The following RPL13A variants were observed in gnomAD, a reference collection of about 807,000 sequenced individuals.
The protein encoded by RPL13A is ribosomal protein L13a, also known as large ribosomal subunit protein uL13.
RPL13A carries 4 observed loss-of-function variants against 30.8 expected under a neutral mutation model. That is an observed-to-expected ratio of 0.13 (90% CI 0.06 to 0.30). The LOEUF (loss-of-function observed/expected upper bound fraction) is 0.30. Among genes scored for constraint, RPL13A ranks in the 10% least tolerant of loss-of-function variants. RPL13A has a pLI of 1.00. For missense variants in RPL13A, 196 were observed against 272.6 expected (o/e 0.72, Z 1.98); for synonymous variants, 108 against 104.2 (o/e 1.04, Z -0.22).
Position 49,491,828 on chromosome 19 carries a change from C to G in RPL13A, c.*13C>G, listed in dbSNP as rs1291627398. On this transcript the variant is annotated 3_prime_UTR_variant, in exon 8 of 8. Coordinates refer to ENST00000391857, the MANE Select transcript of RPL13A (RefSeq NM_012423.4). ...ACTCCTGGTCTGAGCCCAATAAAGA[C>G]TGTTAATTCCTCATGCGTTGCCTGC... 1.3e-6 allele frequency: 2 copies of G among 1,582,282 alleles called. No individual in the cohort carries two copies. The highest frequency in any genetic ancestry group is 1.7e-6 in the Non-Finnish European group (2 of 1,159,148).
chr19:49,491,357 C>A (rs986099535), intron 6 of RPL13A, 68 bp from the exon 7 acceptor site: 108 of 1,388,362 alleles, frequency 7.8e-5, no homozygotes, highest in Non-Finnish European at 1.0e-4. Flanking sequence ...AGCTCCGGCT[C>A]TTCAGGGTGT....
intron 1 of RPL13A, among the ~76,000 whole-genome samples, chr19:49,488,043 T>C (rs1291990682): frequency 6.6e-6 from 1 of 152,120 alleles, no homozygotes; most frequent in Non-Finnish European, 1.5e-5. Context: ...AACTGAGTTT[T>C]GGCCAAAATG....
Position 49,492,163 on chromosome 19 carries a change from T to C in RPL13A, c.*348T>C, listed in dbSNP as rs537341906. ...TGCAGCTGTTAGAATGTGCAAGCAC[T>C]TGGGGACAGCATGAGCTTGCTGTTG... On this transcript the variant is annotated 3_prime_UTR_variant, in exon 8 of 8. Transcript: ENST00000391857. 2.0e-4 allele frequency: 50 copies of C among 247,110 alleles called. No homozygotes were observed. Among genetic ancestry groups the C allele is most frequent in the African/African-American group, 8.9e-4 (40 of 44,760 alleles). The allele number at this position is 247,110 out of a possible 1,614,324, so 15.3% of individuals were successfully genotyped here.
chr19:49,491,526 C>T lies in RPL13A; in HGVS notation c.504C>T (p.Tyr168=). ...GGAAAGAGAAAGCCAAGATCCACTA[C>T]CGGAAGAAGAAACAGCTCATGGTGA... ...EKRKEKAKIH[Y]RKKKQLMRLR... Residue 168 remains tyrosine (Y), a synonymous_variant, in exon 7 of 8, where the codon TAC becomes TAT. Coordinates refer to ENST00000391857, the MANE Select transcript of RPL13A (RefSeq NM_012423.4). The T allele has an allele frequency of 3.9e-6, 6 of 1,532,420 alleles. No homozygotes were observed. The highest frequency in any genetic ancestry group is 5.3e-6 in the Non-Finnish European group (6 of 1,142,624). 94.9% of individuals were successfully genotyped at this position (1,532,420 alleles called of 1,614,324 possible).
chr19:49,491,864 T>C lies in RPL13A; in HGVS notation c.*49T>C, dbSNP rs767898504. On this transcript the variant is annotated 3_prime_UTR_variant, in exon 8 of 8. Coordinates refer to ENST00000391857, the MANE Select transcript of RPL13A (RefSeq NM_012423.4). ...TCATGCGTTGCCTGCCCTTCCTCCA[T>C]TGTTGCCCTGGAATGTACGGGACCC... The C allele has an allele frequency of 4.1e-6, 6 of 1,458,138 alleles. No individual in the cohort carries two copies. The African/African-American group carries it at 4.1e-5, about 10-fold the overall frequency. 90.3% of individuals were successfully genotyped at this position (1,458,138 alleles called of 1,614,324 possible).
chr19:49,489,828 CT>C, intron 1 of RPL13A, 21 bp from the exon 2 acceptor site: 1 of 1,548,468 alleles, frequency 6.5e-7, no homozygotes, highest in Non-Finnish European at 8.6e-7. Flanking sequence ...TCTCTGAGTC[CT>C]TTTGCCCTTG....
At chr19:49,488,500 T>C (rs2079831573) in intron 1 of RPL13A, among the ~76,000 whole-genome samples, 1 of 152,222 alleles carries the variant, frequency 6.6e-6, no homozygotes, top group Non-Finnish European at 1.5e-5. Flanking sequence ...ATGTTTTGCG[T>C]AGTTCAGTTA....
rs549700890 is a variant in RPL13A, at chr19:49,489,360, G to A, written c.16-490G>A. ...AAAAAAAAGTACAAAAATTAGCTGC[G>A]TGTGGTGGTGCGCGCCTGTAGTCCC... On this transcript the variant is annotated intron_variant, in intron 1 of 7. Transcript: ENST00000391857. 3.9e-5 allele frequency among the ~76,000 whole-genome samples: 6 copies of A among 152,124 alleles called. No individual in the cohort carries two copies. The South Asian group carries it at 8.3e-4, about 21-fold the overall frequency.
chr19:49,490,170 T>C (rs1289757235), intron 2 of RPL13A, 62 bp from the exon 3 acceptor site: 2 of 1,487,104 alleles, frequency 1.3e-6, no homozygotes, highest in Non-Finnish European at 1.9e-6. Context: ...GGAGGGTGAC[T>C]GCATAGGCAG....
intron 1 of RPL13A, among the ~76,000 whole-genome samples, chr19:49,489,211 A>G (rs918843020): frequency 2.6e-5 from 4 of 152,164 alleles, no homozygotes; most frequent in East Asian, 1.9e-4. Flanking sequence ...ACATCCTACA[A>G]TTGATTGGCC....
intron 1 of RPL13A, among the ~76,000 whole-genome samples, chr19:49,488,990 G>T (rs1386794268): frequency 6.6e-6 from 1 of 152,250 alleles, no homozygotes; most frequent in Admixed American, 6.5e-5. Flanking sequence ...ACAGGCGTGA[G>T]CCCCTGTGCC....
In RPL13A at chr19:49,490,475, T is replaced by C. The variant is rs1306465863; in HGVS notation, c.155T>C (p.Leu52Ser). Residue 52 changes from leucine to serine, a missense_variant and splice_region_variant, in exon 4 of 8, where the codon TTG (leucine) becomes TCG (serine). Physicochemically the swap from Leu to Ser is moderately radical, Grantham distance 145. Transcript: ENST00000391857. ...NISGNFYRNK[L>S]KYLAFLRKRM... Reference sequence around the variant, plus strand: ...GCCTCACACTCTCCCCTCTCCCTAGTGAAGTACCTGGCTTTCCTCCGCAAG... The same window carrying C: ...GCCTCACACTCTCCCCTCTCCCTAGCGAAGTACCTGGCTTTCCTCCGCAAG... 8 of 1,614,010 alleles carry C rather than the reference T, an allele frequency of 5.0e-6. No individual in the cohort carries two copies. The highest frequency in any genetic ancestry group is 6.8e-6 in the Non-Finnish European group (8 of 1,179,998).
chr19:49,487,763 TG>T lies in RPL13A; in HGVS notation c.15+121del, dbSNP rs138656753. 7.2e-4 allele frequency: 786 copies of T among 1,098,074 alleles called. 8 individuals are homozygous for T. The African/African-American group carries it at 0.012, about 17-fold the overall frequency. 68.0% of individuals were successfully genotyped at this position (1,098,074 alleles called of 1,614,324 possible). On this transcript the variant is annotated intron_variant, in intron 1 of 7. Transcript: ENST00000391857. ...GCTTAACATCCATAATGAAGCAAAA[TG>T]GAAGTCTTTTGGGATAAGGGGAATC...
In RPL13A at chr19:49,490,835, T is replaced by A; in HGVS notation, c.313T>A (p.Phe105Ile). 6.2e-7 allele frequency: 1 copy of A among 1,614,048 alleles called. No individual in the cohort carries two copies. Among genetic ancestry groups the A allele is most frequent in the South Asian group, 1.1e-5 (1 of 91,080 alleles). ...GQAALDRLKVFDGIPPPYDKK... is the reference protein window; with the variant it reads ...GQAALDRLKVIDGIPPPYDKK... ...GGCCGCTCTGGACCGTCTCAAGGTG[T>A]TTGACGGCATCCCACCGCCCTACGA... The change falls in exon 5 of 8, where the codon TTT (phenylalanine) becomes ATT (isoleucine). Residue 105 changes from phenylalanine to isoleucine, a missense_variant. Transcript: ENST00000391857.
At chr19:49,488,893 A>C (rs1434410367) in intron 1 of RPL13A, among the ~76,000 whole-genome samples, 1 of 152,178 alleles carries the variant, frequency 6.6e-6, no homozygotes, top group Non-Finnish European at 1.5e-5. Context: ...TTTAGTAGAG[A>C]CAGGGTTTCA....
Position 49,492,057 on chromosome 19 carries a change from G to C in RPL13A, c.*242G>C, listed in dbSNP as rs1664357291. The C allele has an allele frequency of 2.1e-6, 1 of 483,606 alleles. No homozygotes were observed. The highest frequency in any genetic ancestry group is 2.3e-5 in the South Asian group (1 of 43,572). 30.0% of individuals were successfully genotyped at this position (483,606 alleles called of 1,614,324 possible). On this transcript the variant is annotated 3_prime_UTR_variant, in exon 8 of 8. Coordinates refer to ENST00000391857, the MANE Select transcript of RPL13A (RefSeq NM_012423.4). ...GGAAGAGCAACCAGTTACTATGAGT[G>C]AAAGGGAGCCAGAAGACTGATTGGA...
At position 49,491,076 on chromosome 19, in the gene RPL13A, G is replaced by T. The variant is rs199924401; in HGVS notation, c.379G>T (p.Val127Leu). The stretch of plus-strand genomic sequence containing the variant: ...GGTGGTTCCTGCTGCCCTCAAGGTC[G>T]TGCGTCTGAAGCCTACAAGAAAGGT... ...RMVVPAALKV[V>L]RLKPTRKFAY... The change falls in exon 6 of 8, where the codon GTG becomes TTG. Residue 127 changes from valine (V) to leucine (L), a missense_variant. By Grantham distance (32) the Val-to-Leu change is conservative. Transcript: ENST00000391857. 3 of 1,614,206 alleles carry T rather than the reference G, an allele frequency of 1.9e-6. No homozygotes were observed. Among genetic ancestry groups the T allele is most frequent in the Non-Finnish European group, 2.5e-6 (3 of 1,180,040 alleles).
At chr19:49,491,152 AGGGACCTG>A (rs746875000) in intron 6 of RPL13A, 53 bp downstream of exon 6, 33 of 1,597,190 alleles carry the variant, frequency 2.1e-5, no homozygotes, top group African/African-American at 8.0e-5. Flanking sequence ...AGGCCTGCTG[AGGGACCTG>A]GGGACCTGGA....
chr19:49,487,929 G>A (rs2079822932), intron 1 of RPL13A, among the ~76,000 whole-genome samples: 1 of 152,098 alleles, frequency 6.6e-6, no homozygotes, highest in African/African-American at 2.4e-5. Context: ...CTCGGGTAGT[G>A]GGTGGGGGCC....
Sources: gnomAD v4.1 joint callset for allele counts (sites outside exome capture counted in the v4.1 genomes callset) on GRCh38, gnomAD v4.1.1 for gene constraint, MANE v1.5 for transcripts, NCBI Gene and HGNC (gene_info 2026-07-23, HGNC 2026-07-21) for gene names.